The following BTBD10 variants were observed in gnomAD, a reference collection of about 807,000 sequenced individuals.
BTBD10 encodes the protein BTB/POZ domain-containing protein 10.
Under a neutral mutation model 53.2 loss-of-function variants are expected in BTBD10, and 21 were observed. The ratio of observed to expected loss-of-function variants is 0.39; its 90% CI spans 0.28 to 0.57. The LOEUF is 0.57. BTBD10 is among the 20% of genes least tolerant of loss of function. The probability of loss-of-function intolerance (pLI) is 0.53; values close to 1 mark genes in which losing one functional copy is unlikely to be tolerated. For missense variants in BTBD10, 360 were observed against 594.7 expected (o/e 0.61, Z 4.10); for synonymous variants, 149 against 192.7 (o/e 0.77, Z 1.88).
At chr11:13,431,768 C>T (rs573766661) in intron 2 of BTBD10, among the ~76,000 whole-genome samples, 1 of 152,186 alleles carries the variant, frequency 6.6e-6, no homozygotes, top group East Asian at 1.9e-4. Context: ...ATGATTTTGT[C>T]ACCTAATTTG....
intron 1 of BTBD10, among the ~76,000 whole-genome samples, chr11:13,458,790 A>C (rs1951026366): frequency 6.6e-6 from 1 of 152,208 alleles, no homozygotes; most frequent in Non-Finnish European, 1.5e-5. Context: ...GGTCTTCTCT[A>C]AGAAAATTCT....
At chr11:13,456,036 G>A (rs1481651453) in intron 1 of BTBD10, among the ~76,000 whole-genome samples, 1 of 152,160 alleles carries the variant, frequency 6.6e-6, no homozygotes, top group Non-Finnish European at 1.5e-5. Flanking sequence ...TTCTACGTCT[G>A]CACTGTCCGA....
In BTBD10 at chr11:13,422,867, G is replaced by C. The variant is rs75179052; in HGVS notation, c.102-1029C>G. 6.3e-3 allele frequency among the ~76,000 whole-genome samples: 956 copies of C among 152,272 alleles called. 12 individuals carry two copies. Among genetic ancestry groups the C allele is most frequent in the African/African-American group, 0.022 (919 of 41,544 alleles). On this transcript the variant is annotated intron_variant, in intron 2 of 8. Coordinates refer to ENST00000278174, the MANE Select transcript of BTBD10 (RefSeq NM_032320.7). ...ACACATACTACATGCACAATGCTAT[G>C]CTAAATGCCAACAGAAAGAAGCTTC...
At chr11:13,415,299 T>C (rs1436347746) in intron 5 of BTBD10, among the ~76,000 whole-genome samples, 1 of 152,084 alleles carries the variant, frequency 6.6e-6, no homozygotes, top group Non-Finnish European at 1.5e-5. Context: ...GGAGGCTATA[T>C]GAGCAAACAG....
intron 4 of BTBD10, 118 bp from the exon 5 acceptor site, chr11:13,417,378 T>C: frequency 1.5e-6 from 1 of 668,374 alleles, no homozygotes; most frequent in South Asian, 2.7e-5. Flanking sequence ...CAAGAATTTT[T>C]ATCATTAATT....
rs556570925 is a variant in BTBD10 at position 13,397,861 on chromosome 11, T to G, written c.1117+5307A>C. Among the ~76,000 whole-genome samples, 5 of 152,306 alleles carry G rather than the reference T, an allele frequency of 3.3e-5. No homozygotes were observed. The South Asian group carries it at 1.0e-3, about 32-fold the overall frequency. On this transcript the variant is annotated intron_variant, in intron 8 of 8. Transcript: ENST00000278174. ...ATGTAGTTGAGTGGTTTTGAGTGAGTTTCTTAATCCTGAGTTCTAGTTGGA... is the reference window on the plus strand; with the variant it reads ...ATGTAGTTGAGTGGTTTTGAGTGAGGTTCTTAATCCTGAGTTCTAGTTGGA...
rs553082705 is a variant in BTBD10 at position 13,396,031 on chromosome 11, T to C, written c.1118-6890A>G. 9.1e-3 allele frequency among the ~76,000 whole-genome samples: 1,388 copies of C among 152,258 alleles called. 25 individuals carry two copies. The highest frequency in any genetic ancestry group is 0.032 in the African/African-American group (1,330 of 41,534). On this transcript the variant is annotated intron_variant, in intron 8 of 8. Coordinates refer to ENST00000278174, the MANE Select transcript of BTBD10 (RefSeq NM_032320.7). ...TGACTTGGCAATGCGGGCTCTTTTT[T>C]GGTTCCATATGAACTTTAAAGTAGT...
intron 1 of BTBD10, among the ~76,000 whole-genome samples, chr11:13,458,558 A>G (rs1431640623): frequency 6.6e-6 from 1 of 152,172 alleles, no homozygotes; most frequent in African/African-American, 2.4e-5. Context: ...CTGCCTGCCA[A>G]TATCTTTGAT....
rs192150687 is a variant in BTBD10, at chr11:13,404,763, A to G, written c.1006+896T>C. 1.0e-3 allele frequency: 213 copies of G among 210,574 alleles called. 2 individuals are homozygous for G. The highest frequency in any genetic ancestry group is 5.2e-3 in the Admixed American group (80 of 15,354). The allele number at this position is 210,574 out of a possible 1,614,324, so 13.0% of individuals were successfully genotyped here. A position where few individuals can be genotyped will look rare whatever the true frequency, so the allele number is the denominator to read the frequency against. On this transcript the variant is annotated intron_variant, in intron 7 of 8. Coordinates refer to ENST00000278174, the MANE Select transcript of BTBD10 (RefSeq NM_032320.7). ...AGAAATATCTCAATGCAAACTCTGT[A>G]AAGTGCTACCATAACTTGTGTTAAA...
chr11:13,441,697 C>G (rs927639596), intron 2 of BTBD10, among the ~76,000 whole-genome samples: 1 of 151,932 alleles, frequency 6.6e-6, no homozygotes, highest in East Asian at 1.9e-4. Context: ...TCAGGCTATT[C>G]CAAAACATAA....
intron 7 of BTBD10, 134 bp downstream of exon 7, chr11:13,405,525 T>G (rs1052985230): frequency 1.0e-6 from 1 of 957,770 alleles, no homozygotes; most frequent in Non-Finnish European, 1.5e-6. Context: ...AGGCAATACA[T>G]AAAACTTAAT....
intron 2 of BTBD10, among the ~76,000 whole-genome samples, chr11:13,424,555 T>C (rs1036075758): frequency 1.3e-5 from 2 of 152,154 alleles, no homozygotes; most frequent in Non-Finnish European, 2.9e-5. Flanking sequence ...AAATAGTTAA[T>C]ATGTACAAAA....
At chr11:13,442,793 C>T (rs1458568620) in intron 2 of BTBD10, among the ~76,000 whole-genome samples, 1 of 152,104 alleles carries the variant, frequency 6.6e-6, no homozygotes, top group Non-Finnish European at 1.5e-5. Context: ...CTTGCTATTA[C>T]TTTTTAAAAC....
At chr11:13,411,008 A>AT (rs1373717730) in intron 6 of BTBD10, among the ~76,000 whole-genome samples, 1 of 152,248 alleles carries the variant, frequency 6.6e-6, no homozygotes, top group Non-Finnish European at 1.5e-5. Flanking sequence ...TAGAATAGAC[A>AT]TAAGTCAGAT....
chr11:13,435,355 T>C (rs982710380), intron 2 of BTBD10, among the ~76,000 whole-genome samples: 2 of 152,180 alleles, frequency 1.3e-5, no homozygotes, highest in Non-Finnish European at 2.9e-5. Flanking sequence ...TTATAATGCA[T>C]ACACAACCAA....
intron 1 of BTBD10, among the ~76,000 whole-genome samples, chr11:13,450,749 C>G (rs1414963875): frequency 6.6e-6 from 1 of 152,134 alleles, no homozygotes; most frequent in Non-Finnish European, 1.5e-5. Context: ...AAAAGGAGAT[C>G]AGACAGACGG....
rs773791050 is a variant in BTBD10, at chr11:13,445,142, C to T, written c.-18G>A. On this transcript the variant is annotated 5_prime_UTR_variant, in exon 2 of 9. It removes the in-frame stop codon of an upstream open reading frame in the 5' UTR. Coordinates refer to ENST00000278174, the MANE Select transcript of BTBD10 (RefSeq NM_032320.7). Reference sequence around the variant, plus strand: ...CCTGCCATCCCACTCCAAGCTTCCTCACACTACTGCTCTGAAAGCACACAT... The same window carrying T: ...CCTGCCATCCCACTCCAAGCTTCCTTACACTACTGCTCTGAAAGCACACAT... 19 of 1,582,528 alleles carry T rather than the reference C, an allele frequency of 1.2e-5. No homozygotes were observed. The highest frequency in any genetic ancestry group is 3.3e-5 in the Admixed American group (2 of 59,854).
rs552341151 is a variant in BTBD10 at position 13,404,414 on chromosome 11, G to T, written c.1007-1136C>A. On this transcript the variant is annotated intron_variant, in intron 7 of 8. Transcript: ENST00000278174. The stretch of plus-strand genomic sequence containing the variant: ...TCAACAATGGAAAAGAAAACACCAG[G>T]TTTATTATCATTCCTTTATCACTAT... The T allele has an allele frequency of 7.4e-5, 12 of 163,250 alleles. No homozygotes were observed. The South Asian group carries it at 2.4e-3, about 33-fold the overall frequency. The allele number at this position is 163,250 out of a possible 1,614,324, so 10.1% of individuals were successfully genotyped here.
At chr11:13,399,897 T>C (rs890030278) in intron 8 of BTBD10, among the ~76,000 whole-genome samples, 1 of 152,178 alleles carries the variant, frequency 6.6e-6, no homozygotes, top group Non-Finnish European at 1.5e-5. Context: ...TGCCTGATCG[T>C]TCCTCTGGAA....
Sources: allele counts gnomAD v4.1 joint callset (sites outside exome capture counted in the v4.1 genomes callset), GRCh38; gene constraint gnomAD v4.1.1; transcripts MANE v1.5; gene names NCBI Gene and HGNC (gene_info 2026-07-23, HGNC 2026-07-21).